The following GRIK3 variants were observed in gnomAD, a reference collection of about 807,000 sequenced individuals.
The protein encoded by GRIK3 is glutamate receptor ionotropic, kainate 3.
In GRIK3, 29 loss-of-function variants were observed where a neutral mutation model predicts 102.5. That is an observed-to-expected ratio of 0.28 (90% confidence interval 0.21 to 0.39). The LOEUF (loss-of-function observed/expected upper bound fraction) is 0.39, where lower values mean the gene tolerates loss of function less well. GRIK3 is among the 10% of genes least tolerant of loss of function. GRIK3 has a pLI of 1.00. For synonymous variants in GRIK3, 511 were observed against 504.9 expected, an observed-to-expected ratio of 1.01 and a Z score of -0.16; for missense variants, 908 against 1,252.4, an observed-to-expected ratio of 0.73 and a Z score of 4.15.
At chr1:36,829,172 C>T (rs376943200) in intron 10 of GRIK3, among the ~76,000 whole-genome samples, 1 of 152,286 alleles carries the variant, frequency 6.6e-6, no homozygotes, top group East Asian at 1.9e-4. Flanking sequence ...TACGATTTCC[C>T]TGAGAAAGGC....
chr1:37,032,639 T>C (rs1296910271), intron 1 of GRIK3, among the ~76,000 whole-genome samples: 3 of 152,254 alleles, frequency 2.0e-5, no homozygotes, highest in Admixed American at 2.0e-4. Context: ...GTCCCCAGTG[T>C]CCCCTCCCGT....
intron 13 of GRIK3, among the ~76,000 whole-genome samples, chr1:36,814,841 C>T (rs1260320317): frequency 6.6e-6 from 1 of 152,100 alleles, no homozygotes. Context: ...GGTAGACCCT[C>T]GGGTACACAC....
intron 1 of GRIK3, among the ~76,000 whole-genome samples, chr1:36,906,616 G>A (rs1641287521): frequency 6.6e-6 from 1 of 151,278 alleles, no homozygotes; most frequent in Non-Finnish European, 1.5e-5. Flanking sequence ...GAGGGTAAAT[G>A]TTTTAGATGA....
intron 1 of GRIK3, among the ~76,000 whole-genome samples, chr1:36,967,793 C>T (rs1486205857): frequency 6.6e-6 from 1 of 152,180 alleles, no homozygotes; most frequent in Non-Finnish European, 1.5e-5. Flanking sequence ...TCTGTTTTTT[C>T]CATCTATAAC....
chr1:36,876,358 A>G (rs1198994568), intron 3 of GRIK3, among the ~76,000 whole-genome samples: 3 of 152,128 alleles, frequency 2.0e-5, no homozygotes, highest in Non-Finnish European at 4.4e-5. Flanking sequence ...CCCTGTCTCT[A>G]AAATAAAAAA....
chr1:36,934,175 C>T (rs1641627782), intron 1 of GRIK3, among the ~76,000 whole-genome samples: 1 of 152,140 alleles, frequency 6.6e-6, no homozygotes, highest in Non-Finnish European at 1.5e-5. Context: ...GGACACAAGG[C>T]TCTTCCACTC....
At position 36,975,288 on chromosome 1, in the gene GRIK3, G is replaced by GTTTTTTTTTTTTTTTTTTTT. The variant is rs61125066; in HGVS notation, c.115+58686_115+58705dup. 4.9e-4 allele frequency among the ~76,000 whole-genome samples: 55 copies of GTTTTTTTTTTTTTTTTTTTT among 113,344 alleles called. 5 individuals are homozygous for GTTTTTTTTTTTTTTTTTTTT. Among genetic ancestry groups the GTTTTTTTTTTTTTTTTTTTT allele is most frequent in the African/African-American group, 1.8e-3 (47 of 26,274 alleles). 74.4% of individuals were successfully genotyped at this position (113,344 alleles called of 152,430 possible). The stretch of plus-strand genomic sequence containing the variant: ...AAATCAATGAGCTTATCTAAAGTTG[G>GTTTTTTTTTTTTTTTTTTTT]TTTTTTTTTTTTTTTTTTTTGAGAG... On this transcript the variant is annotated intron_variant, in intron 1 of 15. Coordinates refer to ENST00000373091, the MANE Select transcript of GRIK3 (RefSeq NM_000831.4).
At chr1:36,827,592 C>T (rs1375842160) in intron 10 of GRIK3, among the ~76,000 whole-genome samples, 1 of 152,192 alleles carries the variant, frequency 6.6e-6, no homozygotes, top group Non-Finnish European at 1.5e-5. Context: ...CTTCTGCCCT[C>T]ATGGAGCTTA....
intron 1 of GRIK3, among the ~76,000 whole-genome samples, chr1:37,005,683 A>G (rs922281529): frequency 1.2e-4 from 19 of 152,246 alleles, no homozygotes; most frequent in Admixed American, 6.5e-4. Context: ...ACTGCAGATC[A>G]TGGCATCGTT....
intron 3 of GRIK3, among the ~76,000 whole-genome samples, chr1:36,876,137 AGGCT>A (rs1412880777): frequency 6.6e-6 from 1 of 152,188 alleles, no homozygotes; most frequent in Admixed American, 6.5e-5. Context: ...GTGCTTTGAG[AGGCT>A]AAAGCAGGAG....
At chr1:36,823,992 G>A (rs1474567070) in intron 11 of GRIK3, among the ~76,000 whole-genome samples, 1 of 151,922 alleles carries the variant, frequency 6.6e-6, no homozygotes, top group Non-Finnish European at 1.5e-5. Flanking sequence ...GAGGGTGTTG[G>A]GCGAGGTGAC....
intron 1 of GRIK3, among the ~76,000 whole-genome samples, chr1:36,991,978 G>T (rs2124005087): frequency 6.6e-6 from 1 of 152,324 alleles, no homozygotes; most frequent in South Asian, 2.1e-4. Flanking sequence ...CTGGGAAGGG[G>T]ACTGGGAATC....
chr1:36,810,668 T>C (rs1403833141), intron 13 of GRIK3, among the ~76,000 whole-genome samples: 3 of 152,240 alleles, frequency 2.0e-5, no homozygotes, highest in Non-Finnish European at 4.4e-5. Context: ...AGACCTTGGT[T>C]GTTTTCCATA....
intron 10 of GRIK3, among the ~76,000 whole-genome samples, chr1:36,838,539 A>T (rs563184855): frequency 5.3e-5 from 8 of 152,140 alleles, no homozygotes; most frequent in Admixed American, 5.2e-4. Context: ...GCAGAAGGCG[A>T]TGCATCCTCT....
At chr1:36,863,599 C>T (rs1640750836) in intron 5 of GRIK3, among the ~76,000 whole-genome samples, 1 of 152,126 alleles carries the variant, frequency 6.6e-6, no homozygotes, top group Non-Finnish European at 1.5e-5. Context: ...CTTCTATTTC[C>T]AGGCAAGAAT....
chr1:36,969,629 GGAAA>G (rs1234226084), intron 1 of GRIK3, among the ~76,000 whole-genome samples: 4 of 152,216 alleles, frequency 2.6e-5, no homozygotes, highest in Non-Finnish European at 4.4e-5. Context: ...TGCATGATGA[GGAAA>G]GAGTCACTAT....
chr1:36,951,523 G>T (rs1433707118), intron 1 of GRIK3, among the ~76,000 whole-genome samples: 1 of 152,242 alleles, frequency 6.6e-6, no homozygotes, highest in African/African-American at 2.4e-5. Context: ...CGGCAGCATG[G>T]CTTCTGTCCT....
chr1:36,821,766 G>C (rs951691486), intron 11 of GRIK3, among the ~76,000 whole-genome samples: 8 of 152,202 alleles, frequency 5.3e-5, no homozygotes, highest in Non-Finnish European at 1.2e-4. Flanking sequence ...GCCATGAAGA[G>C]AGGCCTTGCC....
chr1:36,807,487 C>T (rs998373553), intron 13 of GRIK3, among the ~76,000 whole-genome samples: 2 of 152,174 alleles, frequency 1.3e-5, no homozygotes, highest in African/African-American at 4.8e-5. Context: ...GACTGGCACC[C>T]GGCCCAGCTC....
Sources: allele counts gnomAD v4.1 joint callset (sites outside exome capture counted in the v4.1 genomes callset), GRCh38; gene constraint gnomAD v4.1.1; transcripts MANE v1.5; gene names NCBI Gene and HGNC (gene_info 2026-07-23, HGNC 2026-07-21).